The following ARHGEF37 variants were observed in gnomAD, a reference collection of about 807,000 sequenced individuals.
ARHGEF37 encodes the protein Rho guanine nucleotide exchange factor 37.
In ARHGEF37, 55 loss-of-function variants were observed where a neutral mutation model predicts 71.1. The observed-to-expected ratio is 0.77, with a 90% CI of 0.62 to 0.97. The LOEUF is 0.97. ARHGEF37 is among the 50% of genes least tolerant of loss of function. The pLI is 0.00. For missense variants in ARHGEF37, 765 were observed against 836.8 expected, an observed-to-expected ratio of 0.91 and a Z score of 1.06; for synonymous variants, 327 against 350.6, an observed-to-expected ratio of 0.93 and a Z score of 0.75.
At chr5:149,573,613 T>C (rs1009920355) in intron 1 of ARHGEF37, among the ~76,000 whole-genome samples, 1 of 152,206 alleles carries the variant, frequency 6.6e-6, no homozygotes, top group Non-Finnish European at 1.5e-5. Context: ...GTGTTTACTC[T>C]TTTATTGACT....
intron 1 of ARHGEF37, among the ~76,000 whole-genome samples, chr5:149,596,584 C>T (rs1176942640): frequency 5.9e-5 from 9 of 152,156 alleles, no homozygotes; most frequent in Non-Finnish European, 1.2e-4. Context: ...GGATTACAGG[C>T]GTGAGCCACC....
At chr5:149,600,303 A>G (rs1763713488) in intron 2 of ARHGEF37, among the ~76,000 whole-genome samples, 3 of 152,254 alleles carry the variant, frequency 2.0e-5, no homozygotes, top group Admixed American at 6.5e-5. Flanking sequence ...AACAGAAACA[A>G]GAGCAGACTC....
At chr5:149,570,801 G>C (rs1206827978) in intron 1 of ARHGEF37, among the ~76,000 whole-genome samples, 1 of 146,498 alleles carries the variant, frequency 6.8e-6, no homozygotes, top group Non-Finnish European at 1.5e-5. Context: ...GCTTGAACCC[G>C]GGAGGCGGAG....
intron 2 of ARHGEF37, 29 bp from the exon 3 acceptor site, chr5:149,601,079 A>G (rs1247097928): frequency 3.1e-6 from 5 of 1,598,160 alleles, no homozygotes; most frequent in Admixed American, 3.4e-5. Flanking sequence ...ACTCCCAACC[A>G]CCTCTCATGG....
chr5:149,578,953 G>A (rs1296027204), upstream of ARHGEF37, among the ~76,000 whole-genome samples: 1 of 152,162 alleles, frequency 6.6e-6, no homozygotes, highest in East Asian at 1.9e-4. Context: ...CAAAATAACT[G>A]AGTCCTAAAA....
At chr5:149,556,036 A>G (rs1472369720) in intron 1 of ARHGEF37, among the ~76,000 whole-genome samples, 1 of 152,212 alleles carries the variant, frequency 6.6e-6, no homozygotes, top group African/African-American at 2.4e-5. Flanking sequence ...ACTGGTATCC[A>G]GAATGTGCTT....
rs139614436 is a variant in ARHGEF37, at chr5:149,588,761, A to G, written c.-12+7137A>G. Among the ~76,000 whole-genome samples, 1,013 of 152,334 alleles carry G rather than the reference A, an allele frequency of 6.6e-3. 15 individuals carry two copies. Among genetic ancestry groups the G allele is most frequent in the African/African-American group, 0.024 (985 of 41,568 alleles). ...TCCTGGGAGTAAGAAAGGGAAAGAA[A>G]AAAAATTAAAAATAAATAAATAAAA... is the stretch of plus-strand genomic sequence containing the variant. On this transcript the variant is annotated intron_variant, in intron 1 of 12. Coordinates refer to ENST00000333677, the MANE Select transcript of ARHGEF37 (RefSeq NM_001001669.3).
rs1249963485 is a variant in ARHGEF37 at position 149,608,431 on chromosome 5, C to T, written c.311-1117C>T. Among the ~76,000 whole-genome samples, 5 of 151,242 alleles carry T rather than the reference C, an allele frequency of 3.3e-5. No homozygotes were observed. In the East Asian group the frequency reaches 7.7e-4, roughly 23 times the overall value. On this transcript the variant is annotated intron_variant, in intron 3 of 12. Coordinates refer to ENST00000333677, the MANE Select transcript of ARHGEF37 (RefSeq NM_001001669.3). ...TGTTGTGCAGGCTGGAGTGCAGTGGCGCGATCTCAGCTCACTGCAACCTCC... is the reference window on the plus strand; with the variant it reads ...TGTTGTGCAGGCTGGAGTGCAGTGGTGCGATCTCAGCTCACTGCAACCTCC...
rs572702175 is a variant in ARHGEF37, at chr5:149,609,673, C to G, written c.436C>G (p.Gln146Glu). Reference protein sequence around the residue: ...RKEPELQRHIQGIVEAVVPQA... With the variant: ...RKEPELQRHIEGIVEAVVPQA... ...GGAGCCGGAGCTGCAGCGGCACATC[C>G]AGGGCATCGTTGAGGCGGTGGTGTG... Residue 146 changes from glutamine (Q) to glutamate (E), a missense_variant, in exon 4 of 13, where the codon CAG becomes GAG. Physicochemically the swap from Gln to Glu is conservative, Grantham distance 29. Coordinates refer to ENST00000333677, the MANE Select transcript of ARHGEF37 (RefSeq NM_001001669.3). 44 of 1,612,490 alleles carry G rather than the reference C, an allele frequency of 2.7e-5. No homozygotes were observed. The highest frequency in any genetic ancestry group is 2.2e-4 in the Admixed American group (13 of 60,028).
chr5:149,602,106 G>A (rs1702900901), intron 3 of ARHGEF37, among the ~76,000 whole-genome samples: 1 of 150,540 alleles, frequency 6.6e-6, no homozygotes, highest in Non-Finnish European at 1.5e-5. Context: ...GCCCAGGCTC[G>A]AGTGCAGCGG....
At chr5:149,571,899 C>T (rs1762969987) in intron 1 of ARHGEF37, among the ~76,000 whole-genome samples, 1 of 102,682 alleles carries the variant, frequency 9.7e-6, no homozygotes, top group Admixed American at 1.3e-4. Flanking sequence ...GAGTGAGACC[C>T]TGTCTCAAAA....
At chr5:149,555,130 C>CAAA (rs914879036) in intron 1 of ARHGEF37, among the ~76,000 whole-genome samples, 2 of 55,982 alleles carry the variant, frequency 3.6e-5, no homozygotes, top group Non-Finnish European at 7.2e-5. Flanking sequence ...GACTCTGTCT[C>CAAA]AAAAAAAAAA....
chr5:149,585,815 GGCCTGT>G (rs1763220013), intron 1 of ARHGEF37, among the ~76,000 whole-genome samples: 1 of 152,188 alleles, frequency 6.6e-6, no homozygotes, highest in Non-Finnish European at 1.5e-5. Flanking sequence ...CACTGTGCCT[GGCCTGT>G]ATTTTTCATT....
intron 6 of ARHGEF37, 99 bp from the exon 7 acceptor site, chr5:149,618,839 G>C: frequency 1.0e-6 from 1 of 957,470 alleles, no homozygotes; most frequent in Non-Finnish European, 1.7e-6. Context: ...TGGTGGGCGA[G>C]TCTGTGGAAA....
intron 1 of ARHGEF37, among the ~76,000 whole-genome samples, chr5:149,555,460 A>T (rs1016682414): frequency 1.5e-5 from 2 of 133,052 alleles, no homozygotes; most frequent in Non-Finnish European, 3.1e-5. Flanking sequence ...AGGCACCACC[A>T]TGCCTGGCTA....
intron 1 of ARHGEF37, among the ~76,000 whole-genome samples, chr5:149,587,208 G>A (rs1763264873): frequency 6.6e-6 from 1 of 152,034 alleles, no homozygotes; most frequent in African/African-American, 2.4e-5. Context: ...TGTTTCTATG[G>A]TATTAGTCTT....
intron 3 of ARHGEF37, among the ~76,000 whole-genome samples, chr5:149,605,222 A>G (rs1440531287): frequency 2.8e-5 from 3 of 108,038 alleles, no homozygotes; most frequent in African/African-American, 9.6e-5. Context: ...GCAAGACTGC[A>G]TCTCAAAAAA....
chr5:149,561,788 G>A (rs1049982130), intron 1 of ARHGEF37, among the ~76,000 whole-genome samples: 1 of 152,110 alleles, frequency 6.6e-6, no homozygotes, highest in African/African-American at 2.4e-5. Flanking sequence ...CTGGAAATGT[G>A]CTGTCATATG....
At chr5:149,556,365 T>C (rs759105739) in intron 1 of ARHGEF37, among the ~76,000 whole-genome samples, 5 of 138,124 alleles carry the variant, frequency 3.6e-5, no homozygotes, top group Non-Finnish European at 7.6e-5. Context: ...AGCTAGTTTT[T>C]GTATTTATTT....
Sources: gnomAD v4.1 joint callset for allele counts (sites outside exome capture counted in the v4.1 genomes callset) on GRCh38, gnomAD v4.1.1 for gene constraint, MANE v1.5 for transcripts, NCBI Gene and HGNC (gene_info 2026-07-23, HGNC 2026-07-21) for gene names.